ZCCHC2: variants seen among roughly 807,000 people sequenced by gnomAD.
ZCCHC2 encodes the protein zinc finger CCHC-type containing 2, also known as zinc finger CCHC domain-containing protein 2.
A neutral mutation model predicts 103.6 loss-of-function variants in ZCCHC2; 39 were observed. The ratio of observed to expected loss-of-function variants is 0.38; its 90% CI spans 0.29 to 0.49. ZCCHC2 has a LOEUF of 0.49. Among genes scored for constraint, ZCCHC2 ranks in the 20% least tolerant of loss-of-function variants. The probability of loss-of-function intolerance (pLI) is 0.96; values close to 1 mark genes in which losing one functional copy is unlikely to be tolerated. For missense variants in ZCCHC2, 1,483 were observed against 1,491.0 expected, an observed-to-expected ratio of 0.99 and a Z score of 0.09; for synonymous variants, 687 against 608.9, an observed-to-expected ratio of 1.13 and a Z score of -1.89.
In ZCCHC2 at chr18:62,523,235, C is replaced by A. The variant is rs1167455012; in HGVS notation, c.-190C>A. 3 of 318,428 alleles carry A rather than the reference C, an allele frequency of 9.4e-6. No individual in the cohort carries two copies. Among genetic ancestry groups the A allele is most frequent in the African/African-American group, 4.5e-5 (2 of 44,300 alleles). 19.7% of individuals were successfully genotyped at this position (318,428 alleles called of 1,614,324 possible). A position where few individuals can be genotyped will look rare whatever the true frequency, so the allele number is the denominator to read the frequency against. On this transcript the variant is annotated 5_prime_UTR_variant, in exon 1 of 14. Transcript: ENST00000269499. ...ACGCCCCGCCCCCAGCCCGGGAAGA[C>A]GACGCCAGCGACCCCGCCGGCCGGC... is the stretch of plus-strand genomic sequence containing the variant.
chr18:62,544,888 T>G lies in ZCCHC2; in HGVS notation c.1200+15T>G. On this transcript the variant is annotated intron_variant, in intron 4 of 13. Transcript: ENST00000269499. ...TTCTACTGAAGGTAAAATATAGATTTTGTTGTTAAAATGATTTTTATATAA... is the reference window on the plus strand; with the variant it reads ...TTCTACTGAAGGTAAAATATAGATTGTGTTGTTAAAATGATTTTTATATAA... 1 of 1,510,496 alleles carries G rather than the reference T, an allele frequency of 6.6e-7. No homozygotes were observed. 93.6% of individuals were successfully genotyped at this position (1,510,496 alleles called of 1,614,324 possible). A position where few individuals can be genotyped will look rare whatever the true frequency, so the allele number is the denominator to read the frequency against.
At position 62,578,349 on chromosome 18, in the gene ZCCHC2, T is replaced by C. The variant is rs1395689393; in HGVS notation, c.*1770T>C. Reference sequence around the variant, plus strand: ...AGTGAGAGTTTTGATAAGCCACTTATGGGCCGCGTTGTGAATCACTTGCCA... The same window carrying C: ...AGTGAGAGTTTTGATAAGCCACTTACGGGCCGCGTTGTGAATCACTTGCCA... On this transcript the variant is annotated 3_prime_UTR_variant, in exon 14 of 14. Coordinates refer to ENST00000269499, the MANE Select transcript of ZCCHC2 (RefSeq NM_017742.6). 6.5e-6 allele frequency: 1 copy of C among 152,684 alleles called. No homozygotes were observed. The highest frequency in any genetic ancestry group is 1.9e-4 in the East Asian group (1 of 5,202). The allele number at this position is 152,684 out of a possible 1,614,324, so 9.5% of individuals were successfully genotyped here.
intron 12 of ZCCHC2, among the ~76,000 whole-genome samples, chr18:62,571,098 C>T (rs577757181): frequency 2.0e-5 from 3 of 152,240 alleles, no homozygotes; most frequent in Non-Finnish European, 4.4e-5. Flanking sequence ...TTGTCAGCCC[C>T]AGCTAGTAAT....
At chr18:62,539,582 C>A in intron 1 of ZCCHC2, 99 bp from the exon 2 acceptor site, 1 of 988,268 alleles carries the variant, frequency 1.0e-6, no homozygotes, top group South Asian at 1.5e-5. Flanking sequence ...CTAAAAATTG[C>A]CACTAAAATG....
At chr18:62,567,701 T>C (rs1805697686) in intron 11 of ZCCHC2, among the ~76,000 whole-genome samples, 1 of 152,054 alleles carries the variant, frequency 6.6e-6, no homozygotes. Context: ...CCCAGCACTT[T>C]GGGAGGCTGG....
intron 1 of ZCCHC2, among the ~76,000 whole-genome samples, chr18:62,533,628 A>T (rs1222900390): frequency 6.6e-6 from 1 of 152,186 alleles, no homozygotes; most frequent in Non-Finnish European, 1.5e-5. Flanking sequence ...GCACTTTGGG[A>T]GGCCAAGGCA....
In ZCCHC2 at chr18:62,577,766, G is replaced by GCTTTTTT. The variant is rs1916909797; in HGVS notation, c.*1187_*1188insCTTTTTT. On this transcript the variant is annotated 3_prime_UTR_variant, in exon 14 of 14. Coordinates refer to ENST00000269499, the MANE Select transcript of ZCCHC2 (RefSeq NM_017742.6). ...CTGCTGTTTTTAAAAAAAAAAAAAA[G>GCTTTTTT]TTTTTTTAAAAAGCCAATCTATGTA... The GCTTTTTT allele has an allele frequency of 1.4e-5, 2 of 143,386 alleles. No homozygotes were observed. The highest frequency in any genetic ancestry group is 5.2e-5 in the African/African-American group (2 of 38,476). The allele number at this position is 143,386 out of a possible 1,614,324, so 8.9% of individuals were successfully genotyped here. A position where few individuals can be genotyped will look rare whatever the true frequency, so the allele number is the denominator to read the frequency against.
chr18:62,578,806 G>A (rs548534952), downstream of ZCCHC2, among the ~76,000 whole-genome samples: 4 of 152,202 alleles, frequency 2.6e-5, no homozygotes, highest in South Asian at 2.1e-4. Context: ...TTGCTCTGTC[G>A]CCCAGGTTGG....
At position 62,573,410 on chromosome 18, in the gene ZCCHC2, T is replaced by C. The variant is rs1318783641; in HGVS notation, c.1976-647T>C. ...CCGATGCAGTGTTGTTTGTATTTGC[T>C]GTTTTGCTGTTTTGATTTTGGAGAA... On this transcript the variant is annotated intron_variant, in intron 12 of 13. Coordinates refer to ENST00000269499, the MANE Select transcript of ZCCHC2 (RefSeq NM_017742.6). Among the ~76,000 whole-genome samples, 3 of 152,228 alleles carry C rather than the reference T, an allele frequency of 2.0e-5. No individual in the cohort carries two copies. In the East Asian group the frequency reaches 5.8e-4, roughly 29 times the overall value.
chr18:62,561,437 G>A (rs1269780781), intron 8 of ZCCHC2, among the ~76,000 whole-genome samples: 1 of 152,184 alleles, frequency 6.6e-6, no homozygotes, highest in East Asian at 1.9e-4. Flanking sequence ...TACCACATTA[G>A]CGCTGTGCTC....
chr18:62,582,142 A>C (rs1017724488), downstream of ZCCHC2, among the ~76,000 whole-genome samples: 6 of 152,236 alleles, frequency 3.9e-5, no homozygotes. Flanking sequence ...AAAAATGGGA[A>C]GTTTCCAAGT....
intron 2 of ZCCHC2, among the ~76,000 whole-genome samples, chr18:62,540,682 A>G (rs879091709): frequency 6.6e-6 from 1 of 152,138 alleles, no homozygotes; most frequent in Non-Finnish European, 1.5e-5. Flanking sequence ...CTTTTTTTTA[A>G]TAAAAATATT....
At chr18:62,543,136 C>T (rs1002392647) in intron 3 of ZCCHC2, among the ~76,000 whole-genome samples, 11 of 152,132 alleles carry the variant, frequency 7.2e-5, no homozygotes, top group African/African-American at 2.4e-4. Flanking sequence ...GCTTGAGCTA[C>T]GCCTTTTCTC....
At chr18:62,535,585 C>G (rs999131426) in intron 1 of ZCCHC2, among the ~76,000 whole-genome samples, 5 of 152,212 alleles carry the variant, frequency 3.3e-5, no homozygotes, top group Admixed American at 3.3e-4. Context: ...TCTCCTCTCT[C>G]CACGTGGTCC....
intron 1 of ZCCHC2, among the ~76,000 whole-genome samples, chr18:62,532,634 G>A (rs566670993): frequency 1.3e-5 from 2 of 152,198 alleles, no homozygotes; most frequent in African/African-American, 4.8e-5. Flanking sequence ...TTCTGGAATT[G>A]TCCCCGTGGC....
intron 4 of ZCCHC2, among the ~76,000 whole-genome samples, chr18:62,545,489 T>G (rs115302921): frequency 0.013 from 2,043 of 152,302 alleles, 55 homozygotes; most frequent in African/African-American, 0.047. Flanking sequence ...AATAAGAAGA[T>G]AATAGAAACA....
intron 8 of ZCCHC2, among the ~76,000 whole-genome samples, chr18:62,562,460 A>G (rs1353594973): frequency 1.3e-5 from 2 of 151,904 alleles, no homozygotes; most frequent in Non-Finnish European, 2.9e-5. Context: ...AGTTTGTAAT[A>G]TTAGTTTATT....
At chr18:62,568,826 T>C (rs1301950211) in intron 11 of ZCCHC2, among the ~76,000 whole-genome samples, 1 of 152,222 alleles carries the variant, frequency 6.6e-6, no homozygotes, top group Non-Finnish European at 1.5e-5. Flanking sequence ...GCAAGTTCTA[T>C]AGGTTTCATC....
At chr18:62,557,154 T>C (rs1255554760) in intron 6 of ZCCHC2, among the ~76,000 whole-genome samples, 1 of 152,252 alleles carries the variant, frequency 6.6e-6, no homozygotes, top group Non-Finnish European at 1.5e-5. Context: ...TGTTGAGTTT[T>C]GCCCTCTTAT....
Sources: allele counts gnomAD v4.1 joint callset (sites outside exome capture counted in the v4.1 genomes callset), GRCh38; gene constraint gnomAD v4.1.1; transcripts MANE v1.5; gene names NCBI Gene and HGNC (gene_info 2026-07-23, HGNC 2026-07-21).